VCF1: variants seen among roughly 807,000 people sequenced by gnomAD.
VCF1 encodes the protein protein VCF1.
At chr17:73,230,223 G>A in the VCF1 span, among the ~76,000 whole-genome samples, 2 of 151,988 alleles carry the variant, frequency 1.3e-5, no homozygotes, top group African/African-American at 4.8e-5. Context: ...CTGAGCCTGG[G>A]AGGTTGAGGC....
chr17:73,212,998 C>T, the VCF1 span, among the ~76,000 whole-genome samples: 1 of 152,020 alleles, frequency 6.6e-6, no homozygotes, highest in Non-Finnish European at 1.5e-5. Flanking sequence ...GTAATGCCAG[C>T]ATTTTGGGAG....
the VCF1 span, among the ~76,000 whole-genome samples, chr17:73,213,223 A>T: frequency 7.2e-6 from 1 of 138,236 alleles, no homozygotes. Flanking sequence ...CAGCCTGGCA[A>T]CAAAGCAAGA....
the VCF1 span, among the ~76,000 whole-genome samples, chr17:73,210,808 C>T: frequency 6.8e-6 from 1 of 146,766 alleles, no homozygotes; most frequent in South Asian, 2.1e-4. Flanking sequence ...CTATGTTGCT[C>T]AGGCTGGTCT....
the VCF1 span, chr17:73,209,210 T>C: frequency 5.9e-6 from 2 of 336,400 alleles, no homozygotes; most frequent in Non-Finnish European, 1.1e-5. Flanking sequence ...AGTTGACAGA[T>C]TTGGAAATCA....
the VCF1 span, among the ~76,000 whole-genome samples, chr17:73,219,577 G>C: frequency 6.6e-6 from 1 of 151,700 alleles, no homozygotes; most frequent in East Asian, 1.9e-4. Flanking sequence ...GTGAACCTGG[G>C]GGGCAGAGCT....
At chr17:73,222,953 C>T in the VCF1 span, among the ~76,000 whole-genome samples, 1 of 152,274 alleles carries the variant, frequency 6.6e-6, no homozygotes, top group Admixed American at 6.5e-5. Context: ...CTCTTACTAG[C>T]TGTGTTCTTT....
the VCF1 span, among the ~76,000 whole-genome samples, chr17:73,224,925 G>GC: frequency 8.3e-6 from 1 of 121,100 alleles, no homozygotes. Context: ...GACAGGACAG[G>GC]ACAGGACAGC....
the VCF1 span, among the ~76,000 whole-genome samples, chr17:73,225,343 T>C: frequency 2.6e-5 from 4 of 152,040 alleles, no homozygotes; most frequent in African/African-American, 9.7e-5. Flanking sequence ...GGTCATTTTG[T>C]ACCAAAAACT....
the VCF1 span, among the ~76,000 whole-genome samples, chr17:73,218,928 G>A: frequency 2.0e-4 from 31 of 152,214 alleles, no homozygotes; most frequent in African/African-American, 7.5e-4. Context: ...GCTGAGGCAG[G>A]AGAATGGCAT....
At chr17:73,232,263 C>G in the VCF1 span, 25 of 1,609,018 alleles carry the variant, frequency 1.6e-5, no homozygotes, top group Non-Finnish European at 2.0e-5. Flanking sequence ...CTCAGTCGGA[C>G]CCGTACCACC....
chr17:73,217,940 C>A, the VCF1 span, among the ~76,000 whole-genome samples: 1 of 152,186 alleles, frequency 6.6e-6, no homozygotes, highest in Non-Finnish European at 1.5e-5. Flanking sequence ...CCACTGCACT[C>A]CAGCCTGGGC....
the VCF1 span, among the ~76,000 whole-genome samples, chr17:73,212,032 A>G: frequency 6.6e-6 from 1 of 152,230 alleles, no homozygotes; most frequent in Non-Finnish European, 1.5e-5. Context: ...ACTGTCTCAA[A>G]AAAAATAAAG....
chr17:73,228,804 T>C, the VCF1 span, among the ~76,000 whole-genome samples: 1 of 152,068 alleles, frequency 6.6e-6, no homozygotes, highest in Admixed American at 6.6e-5. Context: ...TGAGTGGGAG[T>C]GTTCTGCAGA....
chr17:73,219,235 C>T, the VCF1 span, among the ~76,000 whole-genome samples: 13 of 149,262 alleles, frequency 8.7e-5, no homozygotes, highest in Non-Finnish European at 1.8e-4. Context: ...CTTGGGGTAG[C>T]TTAGTATGCT....
At chr17:73,220,325 A>G in the VCF1 span, among the ~76,000 whole-genome samples, 1 of 152,174 alleles carries the variant, frequency 6.6e-6, no homozygotes, top group African/African-American at 2.4e-5. Flanking sequence ...ATTCTTTTTT[A>G]ATTTCTCACA....
At chr17:73,207,584 A>C in the VCF1 span, 2 of 826,124 alleles carry the variant, frequency 2.4e-6, no homozygotes, top group Non-Finnish European at 3.6e-6. Flanking sequence ...GTTTGGAGAA[A>C]ATCTGTTTTG....
chr17:73,230,299 ATCAG>A, the VCF1 span, among the ~76,000 whole-genome samples: 79 of 152,212 alleles, frequency 5.2e-4, no homozygotes, highest in African/African-American at 1.8e-3. Context: ...CTGTCAATCA[ATCAG>A]TCAATCAATC....
the VCF1 span, chr17:73,212,846 G>C: frequency 1.4e-6 from 1 of 701,126 alleles, no homozygotes. Context: ...GCTACTCTAA[G>C]AAAAGGCAAA....
the VCF1 span, chr17:73,232,082 T>C: frequency 1.2e-6 from 2 of 1,600,938 alleles, no homozygotes; most frequent in East Asian, 4.5e-5. Flanking sequence ...CCCTTCCCTC[T>C]CACCTGGGAC....
Sources: gnomAD v4.1 joint callset for allele counts (sites outside exome capture counted in the v4.1 genomes callset) on GRCh38, gnomAD v4.1.1 for gene constraint, MANE v1.5 for transcripts, NCBI Gene and HGNC (gene_info 2026-07-23, HGNC 2026-07-21) for gene names.